The following UGGT2 variants were observed in gnomAD, a reference collection of about 807,000 sequenced individuals.
The protein encoded by UGGT2 is UDP-glucose glycoprotein glucosyltransferase 2.
UGGT2 carries 180 observed loss-of-function variants against 192.1 expected under a neutral mutation model. The ratio of observed to expected loss-of-function variants is 0.94; its 90% CI spans 0.83 to 1.06. The LOEUF is 1.06. Among genes scored for constraint, UGGT2 ranks in the 50% least tolerant of loss-of-function variants. UGGT2 has a pLI of 0.00. For synonymous variants in UGGT2, 580 were observed against 591.0 expected (o/e 0.98, Z 0.27); for missense variants, 1,849 against 1,795.7 (o/e 1.03, Z -0.54).
At chr13:95,978,326 C>T (rs1465404585) in intron 10 of UGGT2, among the ~76,000 whole-genome samples, 2 of 152,094 alleles carry the variant, frequency 1.3e-5, no homozygotes, top group African/African-American at 4.8e-5. Flanking sequence ...ATCTGTATGC[C>T]TTCTTTTGAG....
intron 29 of UGGT2, among the ~76,000 whole-genome samples, chr13:95,873,894 T>C (rs995615775): frequency 5.3e-5 from 8 of 152,138 alleles, no homozygotes; most frequent in Non-Finnish European, 7.4e-5. Flanking sequence ...ACAAGTTTCC[T>C]GTGTGAGGGA....
chr13:95,821,224 C>T (rs1187599216), intron 38 of UGGT2, among the ~76,000 whole-genome samples: 2 of 152,062 alleles, frequency 1.3e-5, no homozygotes, highest in African/African-American at 2.4e-5. Context: ...AAAGTGTTCC[C>T]TTTTCACCAC....
rs146685988 is a variant in UGGT2 at position 96,038,333 on chromosome 13, A to C, written c.159-6362T>G. 1.7e-3 allele frequency among the ~76,000 whole-genome samples: 254 copies of C among 152,338 alleles called. 4 individuals are homozygous for C. In the East Asian group the frequency reaches 0.04, roughly 24 times the overall value. On this transcript the variant is annotated intron_variant, in intron 1 of 38. Coordinates refer to ENST00000376747, the MANE Select transcript of UGGT2 (RefSeq NM_020121.4). ...ATTAGCATATATGATACCTTACAGT[A>C]AGGATTATTACAGAAATACTGGCCA...
rs2048155744 is a variant in UGGT2, at chr13:95,902,996, T to C, written c.2360A>G (p.Asn787Ser). 1 of 1,613,218 alleles carries C rather than the reference T, an allele frequency of 6.2e-7. No individual in the cohort carries two copies. The highest frequency in any genetic ancestry group is 1.3e-5 in the African/African-American group (1 of 74,904). Residue 787 changes from asparagine (N) to serine (S), a missense_variant, in exon 21 of 39, where the codon AAC (asparagine) becomes AGC (serine). Transcript: ENST00000376747. ...CAAAATTCCTCTAGAAATAGCTGTG[T>C]TCTCTTCATTTATTTTTGATGTAGG... ...YNPTSKINEE[N>S]TAISRGILAA...
At chr13:95,843,188 C>T (rs1012359251) in intron 36 of UGGT2, among the ~76,000 whole-genome samples, 1 of 152,132 alleles carries the variant, frequency 6.6e-6, no homozygotes, top group Non-Finnish European at 1.5e-5. Context: ...TAAAAGAAAT[C>T]GCCAAACTGA....
intron 12 of UGGT2, among the ~76,000 whole-genome samples, chr13:95,957,568 G>A (rs2050248635): frequency 1.3e-5 from 2 of 152,236 alleles, no homozygotes; most frequent in African/African-American, 2.4e-5. Context: ...CAGAATCTGA[G>A]AGACAACTCA....
chr13:95,918,018 C>T (rs2048733013), intron 20 of UGGT2, among the ~76,000 whole-genome samples: 1 of 152,176 alleles, frequency 6.6e-6, no homozygotes, highest in Non-Finnish European at 1.5e-5. Flanking sequence ...GACCTGAACT[C>T]AGCTCTGGAT....
intron 20 of UGGT2, among the ~76,000 whole-genome samples, chr13:95,908,150 T>C (rs2140322436): frequency 6.6e-6 from 1 of 152,262 alleles, no homozygotes; most frequent in South Asian, 2.1e-4. Context: ...AGGGTATCAG[T>C]GATTGAAGAT....
At position 95,900,808 on chromosome 13, in the gene UGGT2, C is replaced by A; in HGVS notation, c.2633G>T (p.Arg878Ile). 6.2e-7 allele frequency: 1 copy of A among 1,606,730 alleles called. No homozygotes were observed. The highest frequency in any genetic ancestry group is 1.1e-5 in the South Asian group (1 of 89,892). ...AGAGCAATAGCTTTTTCTACTTACT[C>A]TCCCATTGCTGACAATACCCATTTC... ...PGEMGIVSNG[R>I]FLGPLDEDFY... is the part of the protein sequence containing the mutation. The change falls in exon 22 of 39, where the codon AGA becomes ATA. Residue 878 changes from arginine to isoleucine, a missense_variant and splice_region_variant. Arg to Ile is a moderately conservative substitution (Grantham distance 97). Transcript: ENST00000376747.
chr13:95,829,406 T>C (rs1886418556), intron 38 of UGGT2, among the ~76,000 whole-genome samples: 1 of 152,194 alleles, frequency 6.6e-6, no homozygotes, highest in South Asian at 2.1e-4. Flanking sequence ...GACATGATTG[T>C]ATATTTAGAA....
intron 1 of UGGT2, among the ~76,000 whole-genome samples, chr13:96,044,667 T>C (rs1275345976): frequency 2.6e-5 from 4 of 152,136 alleles, no homozygotes; most frequent in African/African-American, 7.2e-5. Context: ...ATGGGAGCTA[T>C]TACAACTGAC....
intron 36 of UGGT2, among the ~76,000 whole-genome samples, chr13:95,847,636 C>T (rs1888605135): frequency 1.3e-5 from 2 of 152,098 alleles, no homozygotes; most frequent in South Asian, 4.1e-4. Flanking sequence ...GGCTTAATAG[C>T]TCATTTCTTT....
intron 33 of UGGT2, among the ~76,000 whole-genome samples, chr13:95,858,763 C>T (rs906292499): frequency 6.6e-6 from 1 of 152,134 alleles, no homozygotes; most frequent in Non-Finnish European, 1.5e-5. Context: ...TCAGGTACCT[C>T]TCAACTGTGC....
At chr13:95,861,276 T>C (rs992952790) in intron 31 of UGGT2, among the ~76,000 whole-genome samples, 2 of 152,074 alleles carry the variant, frequency 1.3e-5, no homozygotes, top group African/African-American at 4.8e-5. Flanking sequence ...ACAGCAAGAA[T>C]TTATGTGGTA....
chr13:95,904,377 C>T (rs1566667002), intron 20 of UGGT2, among the ~76,000 whole-genome samples: 1 of 151,544 alleles, frequency 6.6e-6, no homozygotes, highest in South Asian at 2.1e-4. Flanking sequence ...ATGTGCCATG[C>T]TGGTGCACTG....
intron 2 of UGGT2, among the ~76,000 whole-genome samples, chr13:96,025,104 T>A (rs2052625564): frequency 6.6e-6 from 1 of 152,214 alleles, no homozygotes; most frequent in Non-Finnish European, 1.5e-5. Flanking sequence ...TAATAAAGCC[T>A]TCTTCTGTCT....
chr13:95,918,298 T>A (rs1024540272), intron 20 of UGGT2, among the ~76,000 whole-genome samples: 1 of 152,102 alleles, frequency 6.6e-6, no homozygotes, highest in Non-Finnish European at 1.5e-5. Flanking sequence ...AATAATGAAA[T>A]TAAGGCAGAA....
At chr13:95,935,638 A>G (rs2049438018) in intron 17 of UGGT2, among the ~76,000 whole-genome samples, 1 of 152,158 alleles carries the variant, frequency 6.6e-6, no homozygotes, top group South Asian at 2.1e-4. Context: ...AGTATCTCAC[A>G]GTGTTCTCTG....
At chr13:96,005,190 A>C (rs1474312788) in intron 5 of UGGT2, among the ~76,000 whole-genome samples, 1 of 152,204 alleles carries the variant, frequency 6.6e-6, no homozygotes, top group Non-Finnish European at 1.5e-5. Flanking sequence ...AAAATAAAGC[A>C]GAAGGAACGA....
Sources: allele counts gnomAD v4.1 joint callset (sites outside exome capture counted in the v4.1 genomes callset), GRCh38; gene constraint gnomAD v4.1.1; transcripts MANE v1.5; gene names NCBI Gene and HGNC (gene_info 2026-07-23, HGNC 2026-07-21).